The following WSCD1 variants were observed in gnomAD, a reference collection of about 807,000 sequenced individuals.
WSCD1 encodes the protein sialate:O-sulfotransferase 1.
A neutral mutation model predicts 60.4 loss-of-function variants in WSCD1; 41 were observed. The observed-to-expected ratio is 0.68, with a 90% CI of 0.53 to 0.88. The LOEUF is 0.88. Ranked by LOEUF, WSCD1 falls within the 40% of genes least tolerant of loss-of-function variation. The probability of loss-of-function intolerance (pLI) is 0.00; values close to 1 mark genes in which losing one functional copy is unlikely to be tolerated. For synonymous variants in WSCD1, 361 were observed against 332.5 expected (o/e 1.09, Z -0.93); for missense variants, 784 against 796.2 (o/e 0.98, Z 0.18).
At chr17:6,072,946 A>G (rs571419912) in intron 1 of WSCD1, among the ~76,000 whole-genome samples, 32 of 152,204 alleles carry the variant, frequency 2.1e-4, no homozygotes, top group Admixed American at 4.6e-4. Context: ...CAGCTATGAA[A>G]TACAGTGCAC....
rs774893879 is a variant in WSCD1, at chr17:6,118,103, C to T, written c.1290C>T (p.Asn430=). Residue 430 remains asparagine (N), a synonymous_variant, in exon 8 of 9, where the codon AAC becomes AAT. Coordinates refer to ENST00000317744, the MANE Select transcript of WSCD1 (RefSeq NM_015253.2). This position sits in a 1 kb window ranked among gnomAD's most constrained non-coding sequence, Gnocchi z 5.8. ...ATTCAGCCATCCTGCTAATCCGGAA[C>T]CCATACAGGTCCCTGGTGGCAGAAT... ...MFDSAILLIR[N]PYRSLVAEFN... is the part of the protein sequence containing the mutation. The T allele has an allele frequency of 6.2e-7, 1 of 1,614,068 alleles. No individual in the cohort carries two copies. The highest frequency in any genetic ancestry group is 1.3e-5 in the African/African-American group (1 of 74,928).
At chr17:6,103,523 G>T (rs1304506680) in intron 5 of WSCD1, among the ~76,000 whole-genome samples, 1 of 152,160 alleles carries the variant, frequency 6.6e-6, no homozygotes, top group Non-Finnish European at 1.5e-5. Flanking sequence ...AAGTAGGTCT[G>T]CTGTCTGGGG....
At chr17:6,082,506 T>C (rs80131240) in intron 2 of WSCD1, among the ~76,000 whole-genome samples, 3,354 of 152,200 alleles carry the variant, frequency 0.022, 132 homozygotes, top group African/African-American at 0.076. Flanking sequence ...GTGGGGACAG[T>C]CTGGCTCCGG....
At chr17:6,104,304 G>T (rs902620583) in intron 5 of WSCD1, among the ~76,000 whole-genome samples, 4 of 152,136 alleles carry the variant, frequency 2.6e-5, no homozygotes, top group African/African-American at 9.7e-5. Flanking sequence ...CCAACATTGG[G>T]GGTCACATTT....
rs186132991 is a variant in WSCD1, at chr17:6,070,923, G to T, written c.-289+271G>T. 9.1e-3 allele frequency among the ~76,000 whole-genome samples: 1,384 copies of T among 151,682 alleles called. 18 individuals carry two copies. The highest frequency in any genetic ancestry group is 0.032 in the African/African-American group (1,314 of 41,314). On this transcript the variant is annotated intron_variant, in intron 1 of 8. Transcript: ENST00000317744. ...CGGCCGGGATGGGGTGGGGGTGCGC[G>T]AGGCGCCGCACGAGCCGCGTCCCCC...
intron 7 of WSCD1, among the ~76,000 whole-genome samples, chr17:6,116,442 C>T (rs1911687177): frequency 6.6e-6 from 1 of 152,122 alleles, no homozygotes; most frequent in Non-Finnish European, 1.5e-5. Context: ...CAAGGCATCT[C>T]CAATGCCCAA....
intron 7 of WSCD1, among the ~76,000 whole-genome samples, chr17:6,114,153 TAAA>T (rs370433776): frequency 2.4e-5 from 3 of 125,188 alleles, no homozygotes; most frequent in Non-Finnish European, 3.2e-5. Context: ...TAGTTAGCCG[TAAA>T]AAAAAAAAAA....
chr17:6,081,184 ACC>A, intron 2 of WSCD1, 99 bp downstream of exon 2: 1 of 1,334,680 alleles, frequency 7.5e-7, no homozygotes, highest in Non-Finnish European at 9.9e-7. Flanking sequence ...TGTGGCCTTC[ACC>A]GCTAGATGGT....
At chr17:6,071,813 T>C (rs1908560503) in intron 1 of WSCD1, among the ~76,000 whole-genome samples, 1 of 152,194 alleles carries the variant, frequency 6.6e-6, no homozygotes. Flanking sequence ...TTCCTTGGGC[T>C]ATGGGAGAAT....
At chr17:6,115,473 G>C (rs577466750) in intron 7 of WSCD1, among the ~76,000 whole-genome samples, 90 of 152,184 alleles carry the variant, frequency 5.9e-4, no homozygotes, top group African/African-American at 2.1e-3. Flanking sequence ...TTTTGTTTAA[G>C]AATGAAAAAC....
chr17:6,093,405 C>T (rs993016913), intron 4 of WSCD1, among the ~76,000 whole-genome samples: 3 of 152,190 alleles, frequency 2.0e-5, no homozygotes, highest in Non-Finnish European at 4.4e-5. Context: ...AGCTTCCCCC[C>T]AGGAGCTGTG....
At position 6,120,215 on chromosome 17, in the gene WSCD1, C is replaced by G. The variant is rs552658397; in HGVS notation, c.1376-94C>G. ...CTCTAGGCAGTGGACAGTGGAAAAC[C>G]CTGCCCACTTCCCTCTCCCGAGCAG... is the stretch of plus-strand genomic sequence containing the variant. On this transcript the variant is annotated intron_variant, in intron 8 of 8. Transcript: ENST00000317744. 10 of 1,355,030 alleles carry G rather than the reference C, an allele frequency of 7.4e-6. No individual in the cohort carries two copies. The South Asian group carries it at 8.0e-5, about 11-fold the overall frequency. 83.9% of individuals were successfully genotyped at this position (1,355,030 alleles called of 1,614,324 possible).
chr17:6,100,692 G>A (rs1910747537), intron 5 of WSCD1, among the ~76,000 whole-genome samples: 1 of 152,168 alleles, frequency 6.6e-6, no homozygotes, highest in Non-Finnish European at 1.5e-5. Context: ...AGGATATCTA[G>A]CAGCATCCCT....
At chr17:6,117,782 A>G (rs1181059743) in intron 7 of WSCD1, among the ~76,000 whole-genome samples, 4 of 151,728 alleles carry the variant, frequency 2.6e-5, no homozygotes, top group Non-Finnish European at 4.4e-5. Context: ...CTGTTAGATA[A>G]CTCCTGCTGT....
rs187297579 is a variant in WSCD1 at position 6,111,659 on chromosome 17, C to T, written c.1174+724C>T. Among the ~76,000 whole-genome samples, 6 of 148,472 alleles carry T rather than the reference C, an allele frequency of 4.0e-5. No homozygotes were observed. The East Asian group carries it at 1.2e-3, about 29-fold the overall frequency. ...GAGGTTGCAGTGAGTCGAGATTATG[C>T]CACCGCACTCCAGCCTGGGCAACAG... On this transcript the variant is annotated intron_variant, in intron 7 of 8. Transcript: ENST00000317744.
intron 5 of WSCD1, among the ~76,000 whole-genome samples, chr17:6,106,118 T>C (rs187079128): frequency 9.1e-4 from 138 of 152,332 alleles, no homozygotes; most frequent in Middle Eastern, 6.8e-3. Context: ...TCTGAGAATA[T>C]AACAAAGCAC....
At chr17:6,094,230 AC>A (rs980943503) in intron 4 of WSCD1, among the ~76,000 whole-genome samples, 20 of 152,308 alleles carry the variant, frequency 1.3e-4, no homozygotes, top group Admixed American at 9.2e-4. Context: ...GGACTTTTCC[AC>A]CTGGAGGCTC....
intron 2 of WSCD1, 109 bp downstream of exon 2, chr17:6,081,194 G>GGAAAGAACCATCTAGC: frequency 7.7e-7 from 1 of 1,294,576 alleles, no homozygotes; most frequent in Non-Finnish European, 1.0e-6. Context: ...ACCGCTAGAT[G>GGAAAGAACCATCTAGC]GTTCTTTCCT....
intron 3 of WSCD1, among the ~76,000 whole-genome samples, chr17:6,088,998 G>T (rs1049307002): frequency 1.3e-5 from 2 of 152,038 alleles, no homozygotes; most frequent in Non-Finnish European, 2.9e-5. Flanking sequence ...TAGCCAGGAT[G>T]GTCTCAATCT....
Sources: gnomAD v4.1 joint callset for allele counts (sites outside exome capture counted in the v4.1 genomes callset) on GRCh38, gnomAD v4.1.1 for gene constraint, Gnocchi (gnomAD v3.1) non-coding constraint, MANE v1.5 for transcripts, NCBI Gene and HGNC (gene_info 2026-07-23, HGNC 2026-07-21) for gene names.